Variants in WDR75 observed in about 807,000 individuals in gnomAD.
WDR75 encodes the protein WD repeat-containing protein 75.
In WDR75, 52 loss-of-function variants were observed where a neutral mutation model predicts 106.1. The observed-to-expected ratio is 0.49, with a 90% CI of 0.39 to 0.62. The LOEUF is 0.62. Among genes scored for constraint, WDR75 ranks in the 20% least tolerant of loss-of-function variants. The pLI, the probability that WDR75 is intolerant of heterozygous loss-of-function variation, is 0.00. For synonymous variants in WDR75, 333 were observed against 335.5 expected (o/e 0.99, Z 0.08); for missense variants, 905 against 970.3 (o/e 0.93, Z 0.89).
chr2:189,441,704 C>T, intron 1 of WDR75, 126 bp downstream of exon 1: 1 of 1,100,298 alleles, frequency 9.1e-7, no homozygotes, highest in Non-Finnish European at 1.3e-6. Flanking sequence ...GGGTAGAGCA[C>T]GCGCCTGTGG....
intron 18 of WDR75, among the ~76,000 whole-genome samples, chr2:189,472,693 G>A (rs1000265209): frequency 7.9e-5 from 12 of 152,106 alleles, no homozygotes; most frequent in Non-Finnish European, 1.6e-4. Context: ...GAAGTTCTCT[G>A]CCTGTGCAGA....
chr2:189,452,254 T>A (rs1385770479), intron 4 of WDR75, among the ~76,000 whole-genome samples: 2 of 152,122 alleles, frequency 1.3e-5, no homozygotes, highest in East Asian at 3.9e-4. Context: ...AGGGTGGAAA[T>A]GGCATAGAAA....
At chr2:189,458,043 C>G (rs1156494651) in intron 6 of WDR75, among the ~76,000 whole-genome samples, 2 of 151,124 alleles carry the variant, frequency 1.3e-5, no homozygotes, top group Non-Finnish European at 2.9e-5. Context: ...CCCGTCTCAG[C>G]CTCCTGAGTA....
intron 18 of WDR75, among the ~76,000 whole-genome samples, chr2:189,471,833 T>C (rs1687125177): frequency 6.6e-6 from 1 of 152,210 alleles, no homozygotes; most frequent in South Asian, 2.1e-4. Context: ...TTTTAGTGCA[T>C]TGGAGGTCAA....
chr2:189,467,442 G>A (rs1476392994), intron 13 of WDR75, 26 bp from the exon 14 acceptor site: 3 of 1,563,256 alleles, frequency 1.9e-6, no homozygotes, highest in South Asian at 2.4e-5. Flanking sequence ...CACAATTTCT[G>A]AACATTATGG....
Position 189,469,324 on chromosome 2 carries a change from AC to A in WDR75, c.1724-18del, listed in dbSNP as rs1486156616. Reference sequence around the variant, plus strand: ...GTAAATCTTTCCTTAGAAGTGAATCACCTTTGTTTTTCCCCTCAGTGGAGTG... The same window carrying A: ...GTAAATCTTTCCTTAGAAGTGAATCACTTTGTTTTTCCCCTCAGTGGAGTG... On this transcript the variant is annotated intron_variant, in intron 15 of 20. Coordinates refer to ENST00000314761, the MANE Select transcript of WDR75 (RefSeq NM_032168.3). 1 of 1,582,024 alleles carries A rather than the reference AC, an allele frequency of 6.3e-7. No homozygotes were observed. The highest frequency in any genetic ancestry group is 1.7e-5 in the Admixed American group (1 of 59,860).
Position 189,450,801 on chromosome 2 carries a change from T to G in WDR75, c.217-102T>G, listed in dbSNP as rs1351742732. On this transcript the variant is annotated intron_variant, in intron 2 of 20. Transcript: ENST00000314761. ...CTACCTCTTTAAGGTTAACAGTGAA[T>G]TAATGAATAGAAAATGCCCCTGATC... 51 of 1,542,944 alleles carry G rather than the reference T, an allele frequency of 3.3e-5. No individual in the cohort carries two copies. In the East Asian group the frequency reaches 1.2e-3, roughly 37 times the overall value.
chr2:189,445,388 G>A (rs1376711366), intron 1 of WDR75, among the ~76,000 whole-genome samples: 2 of 152,174 alleles, frequency 1.3e-5, no homozygotes, highest in African/African-American at 2.4e-5. Flanking sequence ...GGTAAGTTCT[G>A]TGATGGAGCT....
intron 12 of WDR75, 66 bp downstream of exon 12, chr2:189,465,320 TC>T: frequency 6.8e-7 from 1 of 1,460,136 alleles, no homozygotes; most frequent in Non-Finnish European, 9.2e-7. Flanking sequence ...TTTTACAGTT[TC>T]AATTGTCTTT....
chr2:189,459,509 T>A, intron 8 of WDR75, 85 bp downstream of exon 8: 1 of 1,312,450 alleles, frequency 7.6e-7, no homozygotes, highest in Non-Finnish European at 1.1e-6. Flanking sequence ...TTTGGAAGAT[T>A]TAAAACTGCA....
chr2:189,442,479 C>T (rs2106107606), intron 1 of WDR75, among the ~76,000 whole-genome samples: 1 of 98,836 alleles, frequency 1.0e-5, no homozygotes, highest in South Asian at 3.5e-4. Flanking sequence ...GATGCAGAAT[C>T]TCACTCTGTC....
chr2:189,474,716 GCTT>G lies in WDR75; in HGVS notation c.2201_2203del (p.Leu734del), dbSNP rs759351020. The G allele has an allele frequency of 1.7e-5, 28 of 1,613,548 alleles. No homozygotes were observed. The highest frequency in any genetic ancestry group is 2.2e-5 in the Non-Finnish European group (26 of 1,179,750). On this transcript the variant is annotated inframe_deletion and splice_region_variant, in exon 20 of 21. Coordinates refer to ENST00000314761, the MANE Select transcript of WDR75 (RefSeq NM_032168.3). ...CAACCGTGTTTTCTGTTTGACTCCA[GCTT>G]CTTCACACTCCAGCCCATGTCCTGC...
chr2:189,448,542 C>T (rs77312241), intron 2 of WDR75, 34 bp downstream of exon 2: 59,264 of 1,601,108 alleles, frequency 0.037, 1,251 homozygotes, highest in African/African-American at 0.064. Flanking sequence ...TACTTTAAGA[C>T]TGGCTTTGTT....
At chr2:189,441,713 G>T in intron 1 of WDR75, 135 bp downstream of exon 1, 1 of 1,000,596 alleles carries the variant, frequency 1.0e-6, no homozygotes, top group Non-Finnish European at 1.5e-6. Flanking sequence ...ACGCGCCTGT[G>T]GGGGATCCCC....
In WDR75 at chr2:189,458,835, A is replaced by G. The variant is rs1686799452; in HGVS notation, c.652A>G (p.Ile218Val). 6.2e-7 allele frequency: 1 copy of G among 1,608,298 alleles called. No individual in the cohort carries two copies. The highest frequency in any genetic ancestry group is 1.3e-5 in the African/African-American group (1 of 74,716). ...CVACHPTEDC[I>V]ASGHMDGKIR... ...AGCATGTCACCCAACGGAAGACTGC[A>G]TCGCATCTGGTCACATGGATGGCAA... Residue 218 changes from isoleucine to valine, a missense_variant, in exon 7 of 21, where the codon ATC (isoleucine) becomes GTC (valine). Transcript: ENST00000314761.
At chr2:189,472,906 G>T (rs1023645004) in intron 18 of WDR75, among the ~76,000 whole-genome samples, 1 of 149,974 alleles carries the variant, frequency 6.7e-6, no homozygotes, top group Non-Finnish European at 1.5e-5. Context: ...TATGCTAGAG[G>T]AAAAAAAAAA....
At position 189,468,515 on chromosome 2, in the gene WDR75, C is replaced by G; in HGVS notation, c.1669C>G (p.Leu557Val). Residue 557 changes from leucine (L) to valine (V), a missense_variant, in exon 15 of 21, where the codon CTT (leucine) becomes GTT (valine). Physicochemically the swap from Leu to Val is conservative, Grantham distance 32. Transcript: ENST00000314761. The part of the protein sequence containing the change: ...FGRLTCSKYL[L>V]GATENGILCC... ...GAGATTGACGTGTTCAAAGTATCTA[C>G]TTGGTGCTACTGAAAATGGCATTCT... The G allele has an allele frequency of 6.2e-7, 1 of 1,613,392 alleles. No individual in the cohort carries two copies. The highest frequency in any genetic ancestry group is 8.5e-7 in the Non-Finnish European group (1 of 1,179,488).
chr2:189,441,742 C>A (rs985756790), intron 1 of WDR75, among the ~76,000 whole-genome samples, 164 bp downstream of exon 1: 2 of 152,080 alleles, frequency 1.3e-5, no homozygotes, highest in Non-Finnish European at 2.9e-5. Flanking sequence ...TGGGAGGTCC[C>A]GTTACCACTG....
intron 2 of WDR75, chr2:189,450,230 C>T: frequency 1.0e-6 from 1 of 985,454 alleles, no homozygotes; most frequent in Non-Finnish European, 1.2e-6. Context: ...GAATATTCTT[C>T]AGTCACTTGA....
Sources: gnomAD v4.1 joint callset for allele counts (sites outside exome capture counted in the v4.1 genomes callset) on GRCh38, gnomAD v4.1.1 for gene constraint, MANE v1.5 for transcripts, NCBI Gene and HGNC (gene_info 2026-07-23, HGNC 2026-07-21) for gene names.